The following HOMER2 variants were observed in gnomAD, a reference collection of about 807,000 sequenced individuals.
HOMER2 encodes homer protein homolog 2.
In HOMER2, 27 loss-of-function variants were observed where a neutral mutation model predicts 47.0. That is an observed-to-expected ratio of 0.57 (90% CI 0.42 to 0.79). HOMER2 has a LOEUF of 0.79. HOMER2 is among the 30% of genes least tolerant of loss of function. The probability of loss-of-function intolerance (pLI) is 0.00; values close to 1 mark genes in which losing one functional copy is unlikely to be tolerated. For synonymous variants in HOMER2, 161 were observed against 163.8 expected, an observed-to-expected ratio of 0.98 and a Z score of 0.13; for missense variants, 443 against 435.0, an observed-to-expected ratio of 1.02 and a Z score of -0.16.
intron 1 of HOMER2, chr15:82,985,651 A>C (rs1173071051): frequency 6.6e-6 from 1 of 152,226 alleles, no homozygotes. Flanking sequence ...TTAAGTGTTT[A>C]TACATTTGCT....
intron 4 of HOMER2, among the ~76,000 whole-genome samples, chr15:82,859,355 A>T (rs943905844): frequency 6.6e-6 from 1 of 152,162 alleles, no homozygotes; most frequent in Non-Finnish European, 1.5e-5. Context: ...AACCTAACAA[A>T]GACTATCATG....
chr15:82,935,364 C>G lies in HOMER2; in HGVS notation c.5+17167G>C, dbSNP rs188911898. 2.4e-3 allele frequency among the ~76,000 whole-genome samples: 372 copies of G among 152,298 alleles called. 1 individual carries two copies. The highest frequency in any genetic ancestry group is 3.8e-3 in the Non-Finnish European group (258 of 68,028). On this transcript the variant is annotated intron_variant, in intron 1 of 8. Coordinates refer to ENST00000450735, the MANE Select transcript of HOMER2 (RefSeq NM_004839.4). Reference sequence around the variant, plus strand: ...GCCACCCTGAGGCCACCACACCTCACTGGCCACTCCTCCTCTATCTTCTCT... The same window carrying G: ...GCCACCCTGAGGCCACCACACCTCAGTGGCCACTCCTCCTCTATCTTCTCT...
At chr15:82,923,342 A>G (rs1323604047) in intron 1 of HOMER2, among the ~76,000 whole-genome samples, 1 of 151,936 alleles carries the variant, frequency 6.6e-6, no homozygotes, top group Admixed American at 6.6e-5. Flanking sequence ...AAAAAATTAG[A>G]GGGGTCTGGT....
At chr15:82,982,868 T>C (rs1159418357) in intron 1 of HOMER2, among the ~76,000 whole-genome samples, 1 of 152,210 alleles carries the variant, frequency 6.6e-6, no homozygotes, top group African/African-American at 2.4e-5. Flanking sequence ...CTATTTCCTG[T>C]TCTTGTCTCC....
At chr15:82,854,498 A>G in intron 6 of HOMER2, 146 bp downstream of exon 6, 1 of 702,986 alleles carries the variant, frequency 1.4e-6, no homozygotes, top group South Asian at 2.1e-5. Flanking sequence ...AGGGGGAGGG[A>G]CGTTCCCATG....
At chr15:82,929,855 C>T (rs891875497) in intron 1 of HOMER2, among the ~76,000 whole-genome samples, 90 of 151,582 alleles carry the variant, frequency 5.9e-4, no homozygotes, top group African/African-American at 2.1e-3. Flanking sequence ...CTCAGCCTCC[C>T]GAGTAGCTGG....
intron 1 of HOMER2, among the ~76,000 whole-genome samples, chr15:82,896,803 G>A (rs1410853998): frequency 2.0e-5 from 3 of 152,168 alleles, no homozygotes; most frequent in African/African-American, 7.2e-5. Flanking sequence ...GGGGGCACTG[G>A]GGAGTTCCAT....
chr15:82,952,196 C>T, intron 1 of HOMER2: 1 of 330,236 alleles, frequency 3.0e-6, no homozygotes, highest in Non-Finnish European at 4.3e-6. Flanking sequence ...CTGGAGTTGA[C>T]TGCGCCCAGG....
intron 1 of HOMER2, among the ~76,000 whole-genome samples, chr15:82,906,511 C>A (rs1231971687): frequency 6.6e-6 from 1 of 151,650 alleles, no homozygotes; most frequent in East Asian, 1.9e-4. Context: ...CGGCTCACTG[C>A]AACCTCCGCC....
chr15:82,875,542 T>C, intron 2 of HOMER2, 138 bp from the exon 3 acceptor site: 2 of 830,880 alleles, frequency 2.4e-6, no homozygotes, highest in Non-Finnish European at 3.7e-6. Context: ...CGCGTTCTCC[T>C]GGAACAACCC....
intron 3 of HOMER2, among the ~76,000 whole-genome samples, chr15:82,864,670 T>G (rs2051906896): frequency 6.6e-6 from 1 of 152,176 alleles, no homozygotes; most frequent in Non-Finnish European, 1.5e-5. Flanking sequence ...TTAAAGTACT[T>G]CAAAAACAAT....
chr15:82,979,099 C>T (rs954822267), intron 1 of HOMER2, among the ~76,000 whole-genome samples: 5 of 152,196 alleles, frequency 3.3e-5, no homozygotes, highest in Admixed American at 6.5e-5. Flanking sequence ...TAAAGAAGGA[C>T]GTGTTTGCTT....
chr15:82,952,384 G>C (rs1284508885), intron 1 of HOMER2, 147 bp downstream of exon 1: 3 of 507,414 alleles, frequency 5.9e-6, no homozygotes, highest in African/African-American at 4.1e-5. Context: ...GGTGGCCCCA[G>C]ACTCCCGGGC....
chr15:82,893,471 T>C (rs1315400170), intron 1 of HOMER2, among the ~76,000 whole-genome samples: 5 of 151,876 alleles, frequency 3.3e-5, no homozygotes, highest in African/African-American at 9.7e-5. Context: ...TAGCTGGGAT[T>C]ACAGGCGTGT....
chr15:82,982,473 G>A (rs923202798), intron 1 of HOMER2, among the ~76,000 whole-genome samples: 5 of 152,164 alleles, frequency 3.3e-5, no homozygotes, highest in African/African-American at 9.7e-5. Flanking sequence ...GTTCTTCACA[G>A]AAACTCTCAG....
At chr15:82,903,540 T>C (rs2053194756) in intron 1 of HOMER2, among the ~76,000 whole-genome samples, 1 of 151,686 alleles carries the variant, frequency 6.6e-6, no homozygotes, top group South Asian at 2.1e-4. Context: ...TCGCTTGAAC[T>C]CGGGAGACAG....
At chr15:82,920,926 TCTTA>T (rs1221247115) in intron 1 of HOMER2, among the ~76,000 whole-genome samples, 3 of 151,654 alleles carry the variant, frequency 2.0e-5, no homozygotes, top group Non-Finnish European at 4.4e-5. Flanking sequence ...CAAGCAATCC[TCTTA>T]CTTCAGCCTC....
At chr15:82,976,488 G>GCCT (rs2030205802) in intron 1 of HOMER2, among the ~76,000 whole-genome samples, 1 of 151,912 alleles carries the variant, frequency 6.6e-6, no homozygotes, top group Non-Finnish European at 1.5e-5. Flanking sequence ...GGTAGACACA[G>GCCT]GGTTTTGCCA....
downstream of HOMER2, among the ~76,000 whole-genome samples, chr15:82,957,940 C>A (rs538513568): frequency 6.6e-6 from 1 of 152,156 alleles, no homozygotes; most frequent in Non-Finnish European, 1.5e-5. Flanking sequence ...CGGGTTCAAG[C>A]GATTCTTCTG....
Sources: gnomAD v4.1 joint callset for allele counts (sites outside exome capture counted in the v4.1 genomes callset) on GRCh38, gnomAD v4.1.1 for gene constraint, MANE v1.5 for transcripts, NCBI Gene and HGNC (gene_info 2026-07-23, HGNC 2026-07-21) for gene names.